FRMD5: variants seen among roughly 807,000 people sequenced by gnomAD.
FRMD5 encodes FERM domain containing 5, also known as FERM domain-containing protein 5.
A neutral mutation model predicts 69.0 loss-of-function variants in FRMD5; 20 were observed. The ratio of observed to expected loss-of-function variants is 0.29; its 90% CI spans 0.20 to 0.42. FRMD5 has a LOEUF of 0.42. Among genes scored for constraint, FRMD5 ranks in the 10% least tolerant of loss-of-function variants. The probability of loss-of-function intolerance (pLI) is 1.00; values close to 1 mark genes in which losing one functional copy is unlikely to be tolerated. For synonymous variants in FRMD5, 271 were observed against 260.1 expected (o/e 1.04, Z -0.40); for missense variants, 595 against 708.6 (o/e 0.84, Z 1.82).
chr15:43,946,752 C>T (rs1649598566), intron 1 of FRMD5, among the ~76,000 whole-genome samples: 1 of 152,164 alleles, frequency 6.6e-6, no homozygotes, highest in African/African-American at 2.4e-5. Flanking sequence ...TCCACTTTCA[C>T]TTTGCTCTCT....
intron 1 of FRMD5, among the ~76,000 whole-genome samples, chr15:44,106,440 T>G (rs2076719677): frequency 6.6e-6 from 1 of 152,166 alleles, no homozygotes; most frequent in South Asian, 2.1e-4. Flanking sequence ...CCTGCTTGTG[T>G]TTGCCTGTAC....
At chr15:44,147,569 T>G (rs1036719166) in intron 1 of FRMD5, among the ~76,000 whole-genome samples, 2 of 152,206 alleles carry the variant, frequency 1.3e-5, no homozygotes, top group African/African-American at 4.8e-5. Flanking sequence ...GTGGGCAGTA[T>G]GGCCATTAAG....
At chr15:44,076,288 A>T (rs2140429436) in intron 1 of FRMD5, among the ~76,000 whole-genome samples, 1 of 151,904 alleles carries the variant, frequency 6.6e-6, no homozygotes, top group South Asian at 2.1e-4. Context: ...TACCCAAAGG[A>T]CTATAAATCA....
chr15:44,013,889 C>G (rs1890838217), intron 1 of FRMD5, among the ~76,000 whole-genome samples: 1 of 145,722 alleles, frequency 6.9e-6, no homozygotes, highest in African/African-American at 2.5e-5. Flanking sequence ...CAGAGTCTCA[C>G]TCTGTTGCCC....
chr15:44,180,052 TAA>T (rs5812269), intron 1 of FRMD5, among the ~76,000 whole-genome samples: 1,577 of 97,494 alleles, frequency 0.016, 23 homozygotes, highest in East Asian at 0.075. Flanking sequence ...CTCCATCTCT[TAA>T]AAAAAAAAAA....
chr15:44,181,353 T>A (rs1183071630), intron 1 of FRMD5, among the ~76,000 whole-genome samples: 1 of 152,006 alleles, frequency 6.6e-6, no homozygotes, highest in East Asian at 1.9e-4. Context: ...TTTTTACATT[T>A]TTTTATTATG....
intron 1 of FRMD5, among the ~76,000 whole-genome samples, chr15:43,943,337 C>T (rs1433644214): frequency 6.6e-6 from 1 of 152,160 alleles, no homozygotes; most frequent in Non-Finnish European, 1.5e-5. Context: ...GCCTTGGTCT[C>T]CTAAAGTGTT....
chr15:43,896,160 C>T (rs1595492618), intron 7 of FRMD5, among the ~76,000 whole-genome samples: 1 of 152,202 alleles, frequency 6.6e-6, no homozygotes, highest in East Asian at 1.9e-4. Flanking sequence ...CCGTGGATAT[C>T]GCCAGCTACA....
chr15:44,194,615 A>T, intron 1 of FRMD5: 1 of 376,200 alleles, frequency 2.7e-6, no homozygotes, highest in African/African-American at 2.2e-5. Context: ...CTACCGCCCT[A>T]CCCGCCTCCC....
intron 1 of FRMD5, among the ~76,000 whole-genome samples, chr15:43,929,463 A>C (rs905485398): frequency 6.6e-6 from 1 of 152,212 alleles, no homozygotes. Context: ...AGCACCTCAC[A>C]AGCAAGTGCA....
At chr15:44,179,130 T>A (rs1238010944) in intron 1 of FRMD5, among the ~76,000 whole-genome samples, 2 of 151,934 alleles carry the variant, frequency 1.3e-5, no homozygotes, top group Non-Finnish European at 2.9e-5. Flanking sequence ...CATATTAGCA[T>A]AGGTACAATA....
At chr15:44,073,207 T>C (rs1199248836) in intron 1 of FRMD5, among the ~76,000 whole-genome samples, 1 of 152,170 alleles carries the variant, frequency 6.6e-6, no homozygotes, top group South Asian at 2.1e-4. Flanking sequence ...TACGTATTCC[T>C]CTCCCTATTG....
intron 8 of FRMD5, among the ~76,000 whole-genome samples, chr15:43,889,479 G>T (rs2088745315): frequency 2.0e-5 from 3 of 152,204 alleles, no homozygotes; most frequent in Admixed American, 2.0e-4. Flanking sequence ...GGGCTTAGGG[G>T]TTATTGTAGA....
At chr15:44,029,680 A>T (rs1456259560) in intron 1 of FRMD5, among the ~76,000 whole-genome samples, 1 of 152,260 alleles carries the variant, frequency 6.6e-6, no homozygotes, top group African/African-American at 2.4e-5. Context: ...ATATTCAATC[A>T]CTGTACTTTC....
chr15:44,103,370 A>G (rs996330973), intron 1 of FRMD5, among the ~76,000 whole-genome samples: 2 of 152,354 alleles, frequency 1.3e-5, no homozygotes, highest in Non-Finnish European at 2.9e-5. Flanking sequence ...TATTCAAATT[A>G]GGAAGGAGTT....
intron 1 of FRMD5, among the ~76,000 whole-genome samples, chr15:44,170,607 T>C (rs960609415): frequency 6.6e-6 from 1 of 152,164 alleles, no homozygotes; most frequent in African/African-American, 2.4e-5. Context: ...ATTTTTCCCA[T>C]TCTGTAGTTA....
At chr15:43,931,667 C>A in intron 1 of FRMD5, among the ~76,000 whole-genome samples, 1 of 151,730 alleles carries the variant, frequency 6.6e-6, no homozygotes, top group East Asian at 1.9e-4. Flanking sequence ...TCCTGGATGG[C>A]CAGGGTCAGG....
chr15:43,954,538 A>G (rs1013551037), intron 1 of FRMD5, among the ~76,000 whole-genome samples: 1 of 152,190 alleles, frequency 6.6e-6, no homozygotes, highest in African/African-American at 2.4e-5. Flanking sequence ...CTCTCACCCA[A>G]CACCATCCCA....
At chr15:43,989,285 C>G (rs1188794170) in intron 1 of FRMD5, 5 of 784,900 alleles carry the variant, frequency 6.4e-6, no homozygotes, top group Non-Finnish European at 1.2e-5. Context: ...GTGGTGCCGC[C>G]AGATAGCACT....
Sources: gnomAD v4.1 joint callset for allele counts (sites outside exome capture counted in the v4.1 genomes callset) on GRCh38, gnomAD v4.1.1 for gene constraint, MANE v1.5 for transcripts, NCBI Gene and HGNC (gene_info 2026-07-23, HGNC 2026-07-21) for gene names.